The following PAX5 variants were observed in gnomAD, a reference collection of about 807,000 sequenced individuals.
PAX5 encodes paired box 5.
Under a neutral mutation model 43.7 loss-of-function variants are expected in PAX5, and 9 were observed. That is an observed-to-expected ratio of 0.21 (90% CI 0.12 to 0.36). The LOEUF (loss-of-function observed/expected upper bound fraction) is 0.36, where lower values mean the gene tolerates loss of function less well. Ranked by LOEUF, PAX5 falls within the 10% of genes least tolerant of loss-of-function variation. PAX5 has a pLI of 1.00. For missense variants in PAX5, 383 were observed against 532.7 expected (o/e 0.72, Z 2.77); for synonymous variants, 228 against 214.3 (o/e 1.06, Z -0.56).
At chr9:36,917,896 T>C (rs1254635223) in intron 7 of PAX5, among the ~76,000 whole-genome samples, 1 of 152,224 alleles carries the variant, frequency 6.6e-6, no homozygotes, top group Non-Finnish European at 1.5e-5. Flanking sequence ...ATATCTGTTA[T>C]GGTGATCTGT....
At chr9:36,893,840 C>T (rs962162690) in intron 7 of PAX5, among the ~76,000 whole-genome samples, 2 of 152,206 alleles carry the variant, frequency 1.3e-5, no homozygotes. Context: ...AAAGATGAAC[C>T]TTTGTCATCA....
At chr9:37,031,543 C>A (rs1336346325) in intron 1 of PAX5, among the ~76,000 whole-genome samples, 1 of 152,124 alleles carries the variant, frequency 6.6e-6, no homozygotes, top group Admixed American at 6.5e-5. Context: ...AGTAGTTTTT[C>A]TCCAAGGGGG....
Position 36,840,435 on chromosome 9 carries a change from G to T in PAX5, c.*125C>A. 2.2e-6 allele frequency: 2 copies of T among 920,126 alleles called. No individual in the cohort carries two copies. The highest frequency in any genetic ancestry group is 3.4e-6 in the Non-Finnish European group (2 of 583,360). 57.0% of individuals were successfully genotyped at this position (920,126 alleles called of 1,614,324 possible). A position where few individuals can be genotyped will look rare whatever the true frequency, so the allele number is the denominator to read the frequency against. On this transcript the variant is annotated 3_prime_UTR_variant, in exon 10 of 10. Coordinates refer to ENST00000358127, the MANE Select transcript of PAX5 (RefSeq NM_016734.3). ...CCTGGAGGAAGAGAGGAAGAGGGGA[G>T]CTTCAGGCAAGTGGGGGATGCTGGG...
At chr9:36,920,803 C>CTTTTTT (rs58220286) in intron 7 of PAX5, among the ~76,000 whole-genome samples, 2 of 91,226 alleles carry the variant, frequency 2.2e-5, no homozygotes, top group Admixed American at 1.5e-4. Flanking sequence ...ATAGACATAG[C>CTTTTTT]TTTTTTTTTT....
chr9:36,977,076 G>A (rs1156378029), intron 5 of PAX5, among the ~76,000 whole-genome samples: 1 of 152,166 alleles, frequency 6.6e-6, no homozygotes, highest in Non-Finnish European at 1.5e-5. Flanking sequence ...TTGCAATGTA[G>A]TGCGATAAGT....
chr9:36,972,663 TG>T (rs1835016320), intron 5 of PAX5, among the ~76,000 whole-genome samples: 1 of 152,096 alleles, frequency 6.6e-6, no homozygotes, highest in Non-Finnish European at 1.5e-5. Context: ...GTGGGAGTGC[TG>T]GGGGAAAGTC....
At chr9:36,928,686 C>G (rs1371985602) in intron 6 of PAX5, among the ~76,000 whole-genome samples, 2 of 152,180 alleles carry the variant, frequency 1.3e-5, no homozygotes, top group Admixed American at 6.5e-5. Flanking sequence ...ACCTCTACCC[C>G]ACATCGAGTC....
At chr9:36,853,145 A>C (rs896938332) in intron 8 of PAX5, among the ~76,000 whole-genome samples, 2 of 152,230 alleles carry the variant, frequency 1.3e-5, no homozygotes, top group African/African-American at 2.4e-5. Flanking sequence ...TTTCATTTCC[A>C]AGTAAATGCA....
At chr9:36,952,215 A>G (rs62533679) in intron 6 of PAX5, among the ~76,000 whole-genome samples, 1 of 132,278 alleles carries the variant, frequency 7.6e-6, no homozygotes, top group Non-Finnish European at 1.6e-5. Context: ...TGTTTTTTTA[A>G]TATGCTCTGA....
chr9:36,834,098 C>T lies in PAX5; in HGVS notation c.*6462G>A. On this transcript the variant is annotated 3_prime_UTR_variant, in exon 10 of 10. Transcript: ENST00000358127. ...CCAAGGCCACTAGAGGGTGAAAAAC[C>T]AGGGCAGCGTCTTCCAGCAGGAGTC... The T allele has an allele frequency of 4.3e-6, 1 of 233,206 alleles. No individual in the cohort carries two copies. The highest frequency in any genetic ancestry group is 8.5e-6 in the Non-Finnish European group (1 of 118,006). The allele number at this position is 233,206 out of a possible 1,614,324, so 14.4% of individuals were successfully genotyped here.
chr9:37,024,911 G>T (rs766141191), intron 1 of PAX5, among the ~76,000 whole-genome samples: 1 of 152,242 alleles, frequency 6.6e-6, no homozygotes, highest in Non-Finnish European at 1.5e-5. Context: ...GGAGAGAAGT[G>T]CAGGGGCTGG....
chr9:36,892,622 G>T (rs572343106), intron 7 of PAX5, among the ~76,000 whole-genome samples: 1 of 152,174 alleles, frequency 6.6e-6, no homozygotes. Flanking sequence ...AATACAAAAT[G>T]CACGCTCCCC....
intron 3 of PAX5, among the ~76,000 whole-genome samples, chr9:37,007,262 A>G (rs1202312662): frequency 6.6e-6 from 1 of 152,230 alleles, no homozygotes; most frequent in Non-Finnish European, 1.5e-5. Flanking sequence ...TGTGACCTTG[A>G]CCAAGTACAT....
At chr9:36,852,748 C>A (rs962495979) in intron 8 of PAX5, among the ~76,000 whole-genome samples, 2 of 152,244 alleles carry the variant, frequency 1.3e-5, no homozygotes, top group African/African-American at 4.8e-5. Context: ...AACTTACCAA[C>A]CTGTGCCATC....
chr9:36,934,782 T>C (rs1039642477), intron 6 of PAX5, among the ~76,000 whole-genome samples: 26 of 152,214 alleles, frequency 1.7e-4, no homozygotes, highest in African/African-American at 4.1e-4. Flanking sequence ...TTTAGGGACA[T>C]CATCCCCCAG....
rs1821593579 is a variant in PAX5 at position 36,835,698 on chromosome 9, G to A, written c.*4862C>T. The A allele has an allele frequency of 8.6e-6, 2 of 233,268 alleles. No homozygotes were observed. Among genetic ancestry groups the A allele is most frequent in the Non-Finnish European group, 8.5e-6 (1 of 118,038 alleles). The allele number at this position is 233,268 out of a possible 1,614,324, so 14.4% of individuals were successfully genotyped here. On this transcript the variant is annotated 3_prime_UTR_variant, in exon 10 of 10. Coordinates refer to ENST00000358127, the MANE Select transcript of PAX5 (RefSeq NM_016734.3). Reference sequence around the variant, plus strand: ...CGGACCTCTCCGAGGCCAAAAGAACGAAAGAAATAGTTTCCCCAGGAGAGC... The same window carrying A: ...CGGACCTCTCCGAGGCCAAAAGAACAAAAGAAATAGTTTCCCCAGGAGAGC...
Position 37,021,125 on chromosome 9 carries a change from T to C in PAX5, c.47-324A>G, listed in dbSNP as rs1032156906. ...ATGTAAACGAAATGGGCACAACTTATTATGTGATGCTGAGGTCTAAGGAAG... is the reference window on the plus strand; with the variant it reads ...ATGTAAACGAAATGGGCACAACTTACTATGTGATGCTGAGGTCTAAGGAAG... On this transcript the variant is annotated intron_variant, in intron 1 of 9. Transcript: ENST00000358127. 9.2e-5 allele frequency among the ~76,000 whole-genome samples: 14 copies of C among 152,318 alleles called. No homozygotes were observed. The East Asian group carries it at 2.5e-3, about 27-fold the overall frequency.
intron 9 of PAX5, among the ~76,000 whole-genome samples, chr9:36,844,330 T>C (rs1822357764): frequency 6.6e-6 from 1 of 152,220 alleles, no homozygotes; most frequent in Non-Finnish European, 1.5e-5. Flanking sequence ...CAGGGTGACC[T>C]GAATTTAAAT....
intron 7 of PAX5, among the ~76,000 whole-genome samples, chr9:36,912,375 G>T (rs929187006): frequency 1.3e-5 from 2 of 152,234 alleles, no homozygotes; most frequent in African/African-American, 4.8e-5. Context: ...TGGGAAACTT[G>T]GGCCCAGAAA....
Sources: gnomAD v4.1 joint callset for allele counts (sites outside exome capture counted in the v4.1 genomes callset) on GRCh38, gnomAD v4.1.1 for gene constraint, MANE v1.5 for transcripts, NCBI Gene and HGNC (gene_info 2026-07-23, HGNC 2026-07-21) for gene names.